Variants in CTTNBP2 observed in about 807,000 individuals in gnomAD.
CTTNBP2 encodes the protein cortactin binding protein 2, also known as cortactin-binding protein 2.
A neutral mutation model predicts 156.9 loss-of-function variants in CTTNBP2; 108 were observed. That is an observed-to-expected ratio of 0.69 (90% CI 0.59 to 0.81). The LOEUF is 0.81. Ranked by LOEUF, CTTNBP2 falls within the 30% of genes least tolerant of loss-of-function variation. The pLI is 0.00. For synonymous variants in CTTNBP2, 767 were observed against 751.8 expected (o/e 1.02, Z -0.33); for missense variants, 1,924 against 2,035.4 (o/e 0.95, Z 1.05).
chr7:117,749,197 G>C (rs1322475265), intron 12 of CTTNBP2, among the ~76,000 whole-genome samples: 5 of 152,120 alleles, frequency 3.3e-5, no homozygotes, highest in African/African-American at 9.7e-5. Flanking sequence ...AGAGGTATAT[G>C]GTTAATTTGT....
intron 1 of CTTNBP2, chr7:117,871,953 G>A (rs1804637178): frequency 8.1e-6 from 8 of 984,936 alleles, no homozygotes; most frequent in Non-Finnish European, 9.6e-6. Flanking sequence ...TTGCCAGAGA[G>A]CCTTGTCTCA....
chr7:117,726,387 G>A (rs954364909), intron 17 of CTTNBP2, among the ~76,000 whole-genome samples: 3 of 152,022 alleles, frequency 2.0e-5, no homozygotes, highest in Non-Finnish European at 4.4e-5. Context: ...ATAAAAGTAC[G>A]AATGGGAACA....
intron 1 of CTTNBP2, among the ~76,000 whole-genome samples, chr7:117,862,456 G>A (rs573494700): frequency 3.9e-4 from 60 of 152,174 alleles, no homozygotes; most frequent in African/African-American, 1.4e-3. Context: ...ATTGACTCTC[G>A]ATTCTTTTGT....
At position 117,791,167 on chromosome 7, in the gene CTTNBP2, T is replaced by C; in HGVS notation, c.2029A>G (p.Arg677Gly). The C allele has an allele frequency of 6.2e-7, 1 of 1,614,210 alleles. No individual in the cohort carries two copies. Among genetic ancestry groups the C allele is most frequent in the Non-Finnish European group, 8.5e-7 (1 of 1,180,034 alleles). Reference sequence around the variant, plus strand: ...AGGAGGCTGTCTGAGGCACCTGGTCTACAGGATGAGGCACTAACGGGGTTT... The same window carrying C: ...AGGAGGCTGTCTGAGGCACCTGGTCCACAGGATGAGGCACTAACGGGGTTT... ...SINPVSASSC[R>G]PGASDSLLVT... Residue 677 changes from arginine (R) to glycine (G), a missense_variant, in exon 4 of 23, where the codon AGA (arginine) becomes GGA (glycine). Transcript: ENST00000160373.
chr7:117,837,123 T>C (rs1802005412), intron 2 of CTTNBP2, among the ~76,000 whole-genome samples: 1 of 152,196 alleles, frequency 6.6e-6, no homozygotes, highest in South Asian at 2.1e-4. Flanking sequence ...TGACATCATT[T>C]AAGCCCCTAT....
intron 1 of CTTNBP2, among the ~76,000 whole-genome samples, chr7:117,867,998 C>A (rs1563080565): frequency 6.6e-6 from 1 of 152,156 alleles, no homozygotes; most frequent in African/African-American, 2.4e-5. Context: ...GGGGTGACAG[C>A]CTCTGATAAT....
chr7:117,849,581 A>G lies in CTTNBP2; in HGVS notation c.189+11628T>C, dbSNP rs367666828. Among the ~76,000 whole-genome samples the G allele has an allele frequency of 1.3e-4, 19 of 151,824 alleles. No individual in the cohort carries two copies. In the East Asian group the frequency reaches 2.1e-3, roughly 17 times the overall value. ...CTGGATAGAGCCCATAGGAACTCCT[A>G]CTCCATCAGTCCATACCCCTGTGCC... On this transcript the variant is annotated intron_variant, in intron 2 of 22. Transcript: ENST00000160373.
rs1302436566 is a variant in CTTNBP2 at position 117,817,356 on chromosome 7, AAAAAAAT to A, written c.190-6374_190-6368del. 1.1e-3 allele frequency among the ~76,000 whole-genome samples: 105 copies of A among 92,570 alleles called. 17 individuals carry two copies. Among genetic ancestry groups the A allele is most frequent in the African/African-American group, 2.6e-3 (64 of 24,590 alleles). The allele number at this position is 92,570 out of a possible 152,430, so 60.7% of individuals were successfully genotyped here. A position where few individuals can be genotyped will look rare whatever the true frequency, so the allele number is the denominator to read the frequency against. ...CTCAAAAAAAAAAAAAAAAAAAAAA[AAAAAAAT>A]ATATATATATATATATATATATATA... On this transcript the variant is annotated intron_variant, in intron 2 of 22. Transcript: ENST00000160373.
chr7:117,725,849 G>A (rs1415387925), intron 17 of CTTNBP2, among the ~76,000 whole-genome samples: 2 of 152,096 alleles, frequency 1.3e-5, no homozygotes, highest in African/African-American at 4.8e-5. Flanking sequence ...CAACAGGCCT[G>A]GCTGATTTTT....
At chr7:117,819,425 G>T (rs925794703) in intron 2 of CTTNBP2, among the ~76,000 whole-genome samples, 2 of 149,222 alleles carry the variant, frequency 1.3e-5, no homozygotes, top group Non-Finnish European at 3.0e-5. Flanking sequence ...GGAATGGCTG[G>T]GTGACTGCAG....
intron 2 of CTTNBP2, among the ~76,000 whole-genome samples, chr7:117,813,974 TATG>T (rs1455571105): frequency 6.6e-6 from 1 of 152,248 alleles, no homozygotes; most frequent in Non-Finnish European, 1.5e-5. Context: ...TGATATTTAT[TATG>T]ATGAGTTATC....
rs1322652459 is a variant in CTTNBP2, at chr7:117,775,496, C to G, written c.2778+2015G>C. On this transcript the variant is annotated intron_variant, in intron 8 of 22. Transcript: ENST00000160373. Reference sequence around the variant, plus strand: ...AATTGCCCTACACTGAAGGGTAACTCACCCTGGGGAGTGGGTTCCTTTCTG... The same window carrying G: ...AATTGCCCTACACTGAAGGGTAACTGACCCTGGGGAGTGGGTTCCTTTCTG... Among the ~76,000 whole-genome samples the G allele has an allele frequency of 2.0e-5, 3 of 151,422 alleles. No individual in the cohort carries two copies. The East Asian group carries it at 5.8e-4, about 29-fold the overall frequency.
chr7:117,726,555 G>C (rs1268361890), intron 17 of CTTNBP2, among the ~76,000 whole-genome samples: 1 of 152,166 alleles, frequency 6.6e-6, no homozygotes, highest in Non-Finnish European at 1.5e-5. Context: ...CTGCACATCT[G>C]GTGTCAGGTT....
In CTTNBP2 at chr7:117,734,980, AGCTGCACCCAGCGGAAATGCT is replaced by A. The variant is rs758953932; in HGVS notation, c.3788_3808del (p.Gln1263_Gln1269del). On this transcript the variant is annotated inframe_deletion, in exon 16 of 23. Coordinates refer to ENST00000160373, the MANE Select transcript of CTTNBP2 (RefSeq NM_033427.3). ...TTGCATGGGCTCGCCATCCCACCGC[AGCTGCACCCAGCGGAAATGCT>A]GCTGCACCAGCAAGTCGGAGCCCTG... The A allele has an allele frequency of 3.1e-6, 5 of 1,614,034 alleles. No homozygotes were observed. The highest frequency in any genetic ancestry group is 4.2e-6 in the Non-Finnish European group (5 of 1,179,986).
intron 2 of CTTNBP2, among the ~76,000 whole-genome samples, chr7:117,851,789 G>A (rs1280688464): frequency 6.6e-6 from 1 of 152,130 alleles, no homozygotes; most frequent in African/African-American, 2.4e-5. Context: ...CAGACATGAT[G>A]GAAGGTTGCT....
At chr7:117,714,689 G>T (rs962361399) in intron 22 of CTTNBP2, among the ~76,000 whole-genome samples, 11 of 152,154 alleles carry the variant, frequency 7.2e-5, no homozygotes, top group African/African-American at 2.2e-4. Flanking sequence ...ATGTAGTTTG[G>T]TCAGTCCCTG....
intron 2 of CTTNBP2, among the ~76,000 whole-genome samples, chr7:117,852,774 T>C (rs548384321): frequency 6.6e-6 from 1 of 152,138 alleles, no homozygotes; most frequent in Non-Finnish European, 1.5e-5. Context: ...GCTTTTGAAA[T>C]TTACAATTGA....
At chr7:117,856,164 AG>A (rs771915201) in intron 2 of CTTNBP2, among the ~76,000 whole-genome samples, 23 of 152,296 alleles carry the variant, frequency 1.5e-4, no homozygotes, top group Middle Eastern at 3.4e-3. Flanking sequence ...AACTAGGAAA[AG>A]TTCCATGTCT....
At chr7:117,784,550 A>G (rs1488202168) in intron 4 of CTTNBP2, 96 bp from the exon 5 acceptor site, 2 of 795,942 alleles carry the variant, frequency 2.5e-6, no homozygotes, top group Non-Finnish European at 3.9e-6. Flanking sequence ...CAAACATATG[A>G]ACATGTGTCC....
Sources: gnomAD v4.1 joint callset for allele counts (sites outside exome capture counted in the v4.1 genomes callset) on GRCh38, gnomAD v4.1.1 for gene constraint, MANE v1.5 for transcripts, NCBI Gene and HGNC (gene_info 2026-07-23, HGNC 2026-07-21) for gene names.